NAALADL2: variants seen among roughly 807,000 people sequenced by gnomAD.
The protein encoded by NAALADL2 is N-acetylated alpha-linked acidic dipeptidase like 2, also known as inactive N-acetylated-alpha-linked acidic dipeptidase-like protein 2.
In NAALADL2, 76 loss-of-function variants were observed where a neutral mutation model predicts 87.2. That is an observed-to-expected ratio of 0.87 (90% CI 0.72 to 1.05). The LOEUF is 1.05. Among genes scored for constraint, NAALADL2 ranks in the 50% least tolerant of loss-of-function variants. The pLI, the probability that NAALADL2 is intolerant of heterozygous loss-of-function variation, is 0.00. For missense variants in NAALADL2, 1,089 were observed against 945.8 expected (o/e 1.15, Z -1.99); for synonymous variants, 354 against 331.0 (o/e 1.07, Z -0.75).
chr3:174,533,378 C>G (rs1226541572), intron 1 of NAALADL2, among the ~76,000 whole-genome samples: 1 of 152,000 alleles, frequency 6.6e-6, no homozygotes, highest in African/African-American at 2.4e-5. Flanking sequence ...TACCATTGAG[C>G]CCTCTTATCA....
At chr3:174,672,818 C>A (rs62284748) in intron 2 of NAALADL2, among the ~76,000 whole-genome samples, 12,452 of 151,804 alleles carry the variant, frequency 0.082, 728 homozygotes, top group South Asian at 0.27. Flanking sequence ...GTAAGGAGGT[C>A]ACTGTAACTC....
At position 175,337,387 on chromosome 3, in the gene NAALADL2, C is replaced by T. The variant is rs538572607; in HGVS notation, c.1090+13062C>T. 3.3e-5 allele frequency among the ~76,000 whole-genome samples: 5 copies of T among 152,008 alleles called. No homozygotes were observed. The South Asian group carries it at 1.0e-3, about 32-fold the overall frequency. ...TTAATATGTTCAGTAAACTCTAGCC[C>T]CTCAGAATAGGATTGTATTTGGAGA... On this transcript the variant is annotated intron_variant, in intron 5 of 13. Transcript: ENST00000454872.
At chr3:174,828,828 T>C (rs928352839) in intron 3 of NAALADL2, among the ~76,000 whole-genome samples, 7 of 152,170 alleles carry the variant, frequency 4.6e-5, no homozygotes, top group African/African-American at 1.7e-4. Flanking sequence ...ATGTATAATA[T>C]GGGTCCAATC....
intron 3 of NAALADL2, among the ~76,000 whole-genome samples, chr3:174,792,051 C>CA (rs1354445873): frequency 2.0e-5 from 3 of 151,680 alleles, no homozygotes; most frequent in Admixed American, 1.3e-4. Context: ...TCTACTAAAA[C>CA]AAAAAACAAA....
At chr3:175,355,827 G>A (rs147237556) in intron 5 of NAALADL2, among the ~76,000 whole-genome samples, 1 of 152,274 alleles carries the variant, frequency 6.6e-6, no homozygotes, top group Non-Finnish European at 1.5e-5. Context: ...TTAATTAACA[G>A]TTTACTTTTG....
intron 1 of NAALADL2, chr3:174,459,501 A>G (rs555675630): frequency 2.0e-5 from 3 of 152,334 alleles, no homozygotes; most frequent in Admixed American, 1.3e-4. Flanking sequence ...GCATGTGAAC[A>G]TGCACTGGAC....
At chr3:175,637,099 C>T (rs1156769306) in intron 11 of NAALADL2, among the ~76,000 whole-genome samples, 2 of 152,204 alleles carry the variant, frequency 1.3e-5, no homozygotes, top group African/African-American at 2.4e-5. Context: ...ACCAACAACC[C>T]GTAATTGCCA....
At chr3:175,304,172 G>A (rs1757422661) in intron 4 of NAALADL2, among the ~76,000 whole-genome samples, 1 of 152,098 alleles carries the variant, frequency 6.6e-6, no homozygotes, top group African/African-American at 2.4e-5. Context: ...AAGAGAAAGG[G>A]AAGAGAAATA....
chr3:175,136,098 A>G lies in NAALADL2; in HGVS notation c.545+38807A>G, dbSNP rs994450034. ...TGAACCTACTCCTTAGGGTGTAGAG[A>G]GGGAAGATAAGGTGAGATAGTAAGG... On this transcript the variant is annotated intron_variant, in intron 2 of 13. Transcript: ENST00000454872. 1.4e-4 allele frequency among the ~76,000 whole-genome samples: 21 copies of G among 152,180 alleles called. 1 individual carries two copies. The highest frequency in any genetic ancestry group is 9.2e-4 in the Admixed American group (14 of 15,294).
At chr3:175,100,524 A>T (rs1168209239) in intron 2 of NAALADL2, among the ~76,000 whole-genome samples, 1 of 152,176 alleles carries the variant, frequency 6.6e-6, no homozygotes, top group Non-Finnish European at 1.5e-5. Context: ...TAAGAGATTC[A>T]CAAGCTAGTT....
intron 1 of NAALADL2, among the ~76,000 whole-genome samples, chr3:174,522,820 G>C (rs1720398145): frequency 6.6e-6 from 1 of 151,320 alleles, no homozygotes; most frequent in Non-Finnish European, 1.5e-5. Context: ...TGTAGTCCCA[G>C]CTACTCGGGA....
chr3:175,242,634 A>G (rs1246914688), intron 3 of NAALADL2, among the ~76,000 whole-genome samples: 1 of 152,198 alleles, frequency 6.6e-6, no homozygotes. Flanking sequence ...TTATATTTTA[A>G]TTTGATACTA....
At chr3:175,581,126 C>A in intron 10 of NAALADL2, 1 of 394,066 alleles carries the variant, frequency 2.5e-6, no homozygotes, top group Non-Finnish European at 5.2e-6. Flanking sequence ...TGTTATCTTA[C>A]AGTTTCAAAA....
At chr3:175,031,688 T>C (rs1041804452) in intron 1 of NAALADL2, among the ~76,000 whole-genome samples, 1 of 152,058 alleles carries the variant, frequency 6.6e-6, no homozygotes, top group African/African-American at 2.4e-5. Context: ...CTTTGAGAAG[T>C]CTCCAACTGC....
Position 174,818,337 on chromosome 3 carries a change from GCTT to G in NAALADL2, c.-9+80598_-9+80600del, listed in dbSNP as rs543744026. Among the ~76,000 whole-genome samples the G allele has an allele frequency of 1.5e-3, 234 of 152,142 alleles. 1 individual carries two copies. Among genetic ancestry groups the G allele is most frequent in the African/African-American group, 5.3e-3 (219 of 41,496 alleles). Reference sequence around the variant, plus strand: ...TCTAAACCTCTTCACTTAATGCAGAGCTTCTTCTTGAAATACCCCTAACTGCGG... The same window carrying G: ...TCTAAACCTCTTCACTTAATGCAGAGCTTCTTGAAATACCCCTAACTGCGG... On this transcript the variant is annotated intron_variant, in intron 3 of 3. Transcript: ENST00000434257.
intron 4 of NAALADL2, among the ~76,000 whole-genome samples, chr3:175,267,298 T>G (rs189658240): frequency 6.6e-6 from 1 of 152,126 alleles, no homozygotes; most frequent in African/African-American, 2.4e-5. Flanking sequence ...AATTGTGTGC[T>G]CTAATTGATT....
intron 10 of NAALADL2, among the ~76,000 whole-genome samples, chr3:175,607,368 C>G (rs1723906880): frequency 6.6e-6 from 1 of 152,044 alleles, no homozygotes; most frequent in Non-Finnish European, 1.5e-5. Flanking sequence ...CATAATTATG[C>G]TTTTTTCCTT....
intron 2 of NAALADL2, among the ~76,000 whole-genome samples, chr3:175,189,317 C>G (rs1280102212): frequency 2.0e-5 from 3 of 152,020 alleles, no homozygotes; most frequent in Non-Finnish European, 2.9e-5. Context: ...TGACACAATC[C>G]CCTATGTAGA....
chr3:174,853,424 T>C (rs1725492518), intron 3 of NAALADL2, among the ~76,000 whole-genome samples: 1 of 142,670 alleles, frequency 7.0e-6, no homozygotes, highest in Non-Finnish European at 1.5e-5. Flanking sequence ...CCTTAAACCA[T>C]GAAATTGCAA....
Sources: allele counts gnomAD v4.1 joint callset (sites outside exome capture counted in the v4.1 genomes callset), GRCh38; gene constraint gnomAD v4.1.1; transcripts MANE v1.5; gene names NCBI Gene and HGNC (gene_info 2026-07-23, HGNC 2026-07-21).